Variants in ERICH6B observed in about 807,000 individuals in gnomAD.
ERICH6B encodes glutamate-rich protein 6B.
Under a neutral mutation model 80.0 loss-of-function variants are expected in ERICH6B, and 69 were observed. That is an observed-to-expected ratio of 0.86 (90% confidence interval 0.71 to 1.05). The LOEUF (loss-of-function observed/expected upper bound fraction) is 1.05, where lower values mean the gene tolerates loss of function less well. ERICH6B is among the 50% of genes least tolerant of loss of function. ERICH6B has a pLI of 0.00. For synonymous variants in ERICH6B, 283 were observed against 291.9 expected (o/e 0.97, Z 0.31); for missense variants, 754 against 796.1 (o/e 0.95, Z 0.64).
At chr13:45,597,124 A>G in intron 2 of ERICH6B, 61 bp from the exon 3 acceptor site, 1 of 1,194,832 alleles carries the variant, frequency 8.4e-7, no homozygotes. Context: ...TATTGATTTA[A>G]TTCCATTTTT....
chr13:45,614,180 T>C (rs1038226396), intron 1 of ERICH6B, among the ~76,000 whole-genome samples: 3 of 152,202 alleles, frequency 2.0e-5, no homozygotes, highest in Non-Finnish European at 2.9e-5. Flanking sequence ...GAGTGGGATT[T>C]TATCTGGAGT....
In ERICH6B at chr13:45,588,283, A is replaced by T. The variant is rs572405012; in HGVS notation, c.687-1051T>A. Among the ~76,000 whole-genome samples the T allele has an allele frequency of 3.9e-5, 6 of 152,296 alleles. No individual in the cohort carries two copies. In the East Asian group the frequency reaches 1.2e-3, roughly 29 times the overall value. On this transcript the variant is annotated intron_variant, in intron 4 of 14. Coordinates refer to ENST00000298738, the MANE Select transcript of ERICH6B (RefSeq NM_182542.3). ...TGTAGGAGTTTCAGGCAGATCTTGCAGGTGCCTCTGAGGGATCAGTAGGGG... is the reference window on the plus strand; with the variant it reads ...TGTAGGAGTTTCAGGCAGATCTTGCTGGTGCCTCTGAGGGATCAGTAGGGG...
intron 7 of ERICH6B, among the ~76,000 whole-genome samples, chr13:45,579,528 C>T (rs1386898425): frequency 6.6e-6 from 1 of 152,146 alleles, no homozygotes; most frequent in Non-Finnish European, 1.5e-5. Context: ...TTAATAAACA[C>T]TTACTGCACC....
chr13:45,554,571 A>G (rs1874357955), intron 11 of ERICH6B, among the ~76,000 whole-genome samples: 1 of 152,236 alleles, frequency 6.6e-6, no homozygotes, highest in South Asian at 2.1e-4. Flanking sequence ...AATTTTCCTG[A>G]TGACAAGAAC....
intron 3 of ERICH6B, among the ~76,000 whole-genome samples, chr13:45,594,728 T>A (rs938102391): frequency 4.6e-5 from 7 of 152,230 alleles, no homozygotes; most frequent in African/African-American, 1.4e-4. Flanking sequence ...ATGTAGGTTG[T>A]GTGTAATCAG....
At chr13:45,609,156 A>G (rs1949885538) in intron 1 of ERICH6B, among the ~76,000 whole-genome samples, 2 of 152,196 alleles carry the variant, frequency 1.3e-5, no homozygotes, top group Non-Finnish European at 2.9e-5. Context: ...AAAATAGACC[A>G]CATTGCTCCA....
At chr13:45,544,496 A>C (rs139313486) in intron 14 of ERICH6B, among the ~76,000 whole-genome samples, 2,325 of 152,340 alleles carry the variant, frequency 0.015, 70 homozygotes, top group African/African-American at 0.052. Flanking sequence ...CCCTGGGGTT[A>C]CAGATGCAAG....
chr13:45,553,404 G>A (rs1217233484), intron 11 of ERICH6B, among the ~76,000 whole-genome samples: 1 of 152,198 alleles, frequency 6.6e-6, no homozygotes, highest in African/African-American at 2.4e-5. Context: ...TTTGCCCAAA[G>A]AAAGCTTATA....
intron 13 of ERICH6B, among the ~76,000 whole-genome samples, chr13:45,546,887 C>G (rs1386736621): frequency 6.6e-6 from 1 of 152,234 alleles, no homozygotes; most frequent in Non-Finnish European, 1.5e-5. Context: ...AAATCCTCCT[C>G]TTGCTTCCCA....
Position 45,580,592 on chromosome 13 carries a change from A to G in ERICH6B, c.919+11T>C, listed in dbSNP as rs1263182976. On this transcript the variant is annotated intron_variant, in intron 6 of 14. Coordinates refer to ENST00000298738, the MANE Select transcript of ERICH6B (RefSeq NM_182542.3). ...CTTCTACAGATCATTTAAAATCATC[A>G]TAAACTTTACCTTCCGGAGCCAGCT... 6.4e-7 allele frequency: 1 copy of G among 1,551,524 alleles called. No individual in the cohort carries two copies. The highest frequency in any genetic ancestry group is 2.4e-5 in the East Asian group (1 of 40,920).
chr13:45,589,437 G>C (rs1024133474), intron 4 of ERICH6B, among the ~76,000 whole-genome samples: 1 of 152,208 alleles, frequency 6.6e-6, no homozygotes, highest in Non-Finnish European at 1.5e-5. Context: ...GCAGAACGGA[G>C]GATGACACAG....
Position 45,544,830 on chromosome 13 carries a change from T to C in ERICH6B, c.1802A>G (p.Gln601Arg). The C allele has an allele frequency of 6.4e-7, 1 of 1,551,716 alleles. No homozygotes were observed. Among genetic ancestry groups the C allele is most frequent in the Non-Finnish European group, 8.7e-7 (1 of 1,146,990 alleles). ...NEYIQVQIRS[Q>R]DKIIFCFTYE... ...GGTGAAGCAGAAGATGATCTTATCCTGGCTCCTTATTTGTACCTGGATGTA... is the reference window on the plus strand; with the variant it reads ...GGTGAAGCAGAAGATGATCTTATCCCGGCTCCTTATTTGTACCTGGATGTA... The change falls in exon 14 of 15, where the codon CAG becomes CGG. Residue 601 changes from glutamine to arginine, a missense_variant. Gln to Arg is a conservative substitution (Grantham distance 43). Transcript: ENST00000298738.
At position 45,561,395 on chromosome 13, in the gene ERICH6B, T is replaced by G. The variant is rs974223431; in HGVS notation, c.1381A>C (p.Lys461Gln). 1 of 1,552,264 alleles carries G rather than the reference T, an allele frequency of 6.4e-7. No homozygotes were observed. Among genetic ancestry groups the G allele is most frequent in the African/African-American group, 1.4e-5 (1 of 73,052 alleles). Reference sequence around the variant, plus strand: ...ACTGTCTTCTTCTGTATCCATTCCTTATCTCGTTCTAATTTCTTCCTATGA... The same window carrying G: ...ACTGTCTTCTTCTGTATCCATTCCTGATCTCGTTCTAATTTCTTCCTATGA... ...VHHRKKLERD[K>Q]EWIQKKTVVH... Residue 461 changes from lysine to glutamine, a missense_variant, in exon 11 of 15, where the codon AAG becomes CAG. Coordinates refer to ENST00000298738, the MANE Select transcript of ERICH6B (RefSeq NM_182542.3).
In ERICH6B at chr13:45,568,394, G is replaced by A. The variant is rs763696595; in HGVS notation, c.1108C>T (p.His370Tyr). The A allele has an allele frequency of 1.8e-5, 28 of 1,549,144 alleles. No homozygotes were observed. The highest frequency in any genetic ancestry group is 2.4e-5 in the Non-Finnish European group (27 of 1,146,066). Residue 370 changes from histidine to tyrosine, a missense_variant, in exon 9 of 15, where the codon CAC becomes TAC. By Grantham distance (83) the His-to-Tyr change is moderately conservative (BLOSUM62 2). Transcript: ENST00000298738. ...FKTIIKEMAA[H>Y]NELEEDFDIP... ...TCAAAATCCTCTTCCAGTTCATTGTGAGCAGCCATTTCTTTGATTATTGTT... is the reference window on the plus strand; with the variant it reads ...TCAAAATCCTCTTCCAGTTCATTGTAAGCAGCCATTTCTTTGATTATTGTT...
At chr13:45,609,680 A>G (rs533750409) in intron 1 of ERICH6B, among the ~76,000 whole-genome samples, 5 of 152,252 alleles carry the variant, frequency 3.3e-5, no homozygotes, top group Middle Eastern at 3.4e-3. Context: ...GTGTGTTTGG[A>G]TTGTTCACTG....
At chr13:45,607,213 A>G (rs777238457) in intron 2 of ERICH6B, among the ~76,000 whole-genome samples, 5 of 152,124 alleles carry the variant, frequency 3.3e-5, no homozygotes, top group Non-Finnish European at 5.9e-5. Context: ...TTTGTGGAAA[A>G]ATGAGTGTCA....
chr13:45,611,417 A>G (rs1373098930), intron 1 of ERICH6B, among the ~76,000 whole-genome samples: 1 of 152,232 alleles, frequency 6.6e-6, no homozygotes, highest in Non-Finnish European at 1.5e-5. Flanking sequence ...TCTATATAAG[A>G]TTAAAGAAGC....
intron 11 of ERICH6B, among the ~76,000 whole-genome samples, chr13:45,553,674 T>C (rs913361836): frequency 2.0e-5 from 3 of 152,188 alleles, no homozygotes; most frequent in Admixed American, 1.3e-4. Flanking sequence ...CAAAGTTATC[T>C]AGTTAGAAGA....
At position 45,610,833 on chromosome 13, in the gene ERICH6B, C is replaced by CTGTGTG. The variant is rs10653696; in HGVS notation, c.-110-3224_-110-3219dup. On this transcript the variant is annotated intron_variant, in intron 1 of 14. Coordinates refer to ENST00000298738, the MANE Select transcript of ERICH6B (RefSeq NM_182542.3). ...TCAAGTGAAATGTTATGTGGCAGGA[C>CTGTGTG]TGTGTGTGTGTGTGTGTGTGTGTGT... Among the ~76,000 whole-genome samples the CTGTGTG allele has an allele frequency of 3.2e-3, 469 of 147,472 alleles. 8 individuals carry two copies. Among genetic ancestry groups the CTGTGTG allele is most frequent in the Middle Eastern group, 6.9e-3 (2 of 290 alleles).
Sources: allele counts gnomAD v4.1 joint callset (sites outside exome capture counted in the v4.1 genomes callset), GRCh38; gene constraint gnomAD v4.1.1; transcripts MANE v1.5; gene names NCBI Gene and HGNC (gene_info 2026-07-23, HGNC 2026-07-21).